Variants in EPHB1 observed in about 807,000 individuals in gnomAD.
EPHB1 encodes ephrin type-B receptor 1.
Under a neutral mutation model 94.4 loss-of-function variants are expected in EPHB1, and 30 were observed. That is an observed-to-expected ratio of 0.32 (90% CI 0.24 to 0.43). The LOEUF (loss-of-function observed/expected upper bound fraction) is 0.43. EPHB1 is among the 20% of genes least tolerant of loss of function. EPHB1 has a pLI of 1.00. For synonymous variants in EPHB1, 522 were observed against 489.1 expected (o/e 1.07, Z -0.89); for missense variants, 1,055 against 1,308.3 (o/e 0.81, Z 2.99).
intron 12 of EPHB1, among the ~76,000 whole-genome samples, chr3:135,238,343 G>T (rs952228804): frequency 6.6e-6 from 1 of 152,224 alleles, no homozygotes; most frequent in Admixed American, 6.5e-5. Context: ...CACCTGCTGG[G>T]ATGGAGGGGG....
At chr3:135,241,955 C>T (rs1943794968) in intron 13 of EPHB1, among the ~76,000 whole-genome samples, 1 of 152,144 alleles carries the variant, frequency 6.6e-6, no homozygotes, top group Non-Finnish European at 1.5e-5. Flanking sequence ...CCCCAGGATG[C>T]CCTCAAGGGA....
At chr3:135,219,911 A>C (rs1943236700) in intron 12 of EPHB1, among the ~76,000 whole-genome samples, 1 of 152,236 alleles carries the variant, frequency 6.6e-6, no homozygotes, top group Non-Finnish European at 1.5e-5. Flanking sequence ...GGCCCTACAC[A>C]GAGCAGAATT....
intron 3 of EPHB1, among the ~76,000 whole-genome samples, chr3:135,072,800 G>A (rs1466488133): frequency 3.3e-5 from 5 of 152,184 alleles, no homozygotes; most frequent in African/African-American, 1.2e-4. Flanking sequence ...TTGTGCAGTT[G>A]TTTATTTATT....
chr3:135,040,278 T>C (rs1936791484), intron 3 of EPHB1, among the ~76,000 whole-genome samples: 1 of 152,206 alleles, frequency 6.6e-6, no homozygotes, highest in African/African-American at 2.4e-5. Context: ...TATAATGTGG[T>C]ATAAAGGGCC....
At chr3:135,001,564 A>C (rs1275109102) in intron 3 of EPHB1, among the ~76,000 whole-genome samples, 1 of 152,230 alleles carries the variant, frequency 6.6e-6, no homozygotes, top group African/African-American at 2.4e-5. Context: ...TCCAAAGGGC[A>C]TATAGCAAAG....
At chr3:134,847,106 C>T (rs911365974) in intron 1 of EPHB1, among the ~76,000 whole-genome samples, 5 of 152,070 alleles carry the variant, frequency 3.3e-5, no homozygotes, top group Admixed American at 2.0e-4. Flanking sequence ...ATTAACAGAA[C>T]GTGGCCTTCC....
chr3:134,795,508 C>G lies in EPHB1; in HGVS notation c.-124C>G, dbSNP rs942755175. Reference sequence around the variant, plus strand: ...ACGCAGCGCTCCGGGAAGTCCGGTCCGGGCGAGAGCGCGAAAGGATACCGA... The same window carrying G: ...ACGCAGCGCTCCGGGAAGTCCGGTCGGGGCGAGAGCGCGAAAGGATACCGA... On this transcript the variant is annotated 5_prime_UTR_variant, in exon 1 of 16. Coordinates refer to ENST00000398015, the MANE Select transcript of EPHB1 (RefSeq NM_004441.5). 27 of 929,324 alleles carry G rather than the reference C, an allele frequency of 2.9e-5. No homozygotes were observed. The highest frequency in any genetic ancestry group is 4.0e-5 in the Non-Finnish European group (25 of 627,712). 57.6% of individuals were successfully genotyped at this position (929,324 alleles called of 1,614,324 possible). A position where few individuals can be genotyped will look rare whatever the true frequency, so the allele number is the denominator to read the frequency against.
At chr3:134,948,510 A>G (rs2039258676) in intron 2 of EPHB1, among the ~76,000 whole-genome samples, 1 of 152,188 alleles carries the variant, frequency 6.6e-6, no homozygotes, top group South Asian at 2.1e-4. Flanking sequence ...AACACATTTG[A>G]TAGAACAAAA....
At chr3:134,915,174 C>G (rs2107696629) in intron 1 of EPHB1, among the ~76,000 whole-genome samples, 1 of 152,250 alleles carries the variant, frequency 6.6e-6, no homozygotes, top group African/African-American at 2.4e-5. Flanking sequence ...AATTCTGTCC[C>G]TCACAAAAAA....
chr3:135,105,213 A>G (rs977597010), intron 3 of EPHB1, among the ~76,000 whole-genome samples: 3 of 152,232 alleles, frequency 2.0e-5, no homozygotes, highest in African/African-American at 4.8e-5. Context: ...TGGCACTTCA[A>G]TTATATGATG....
intron 9 of EPHB1, among the ~76,000 whole-genome samples, chr3:135,170,594 GC>G (rs1191610783): frequency 2.6e-4 from 39 of 152,098 alleles, no homozygotes; most frequent in African/African-American, 9.4e-4. Flanking sequence ...CTCAGTAGGT[GC>G]TGGCTGACTA....
intron 3 of EPHB1, among the ~76,000 whole-genome samples, chr3:135,008,080 C>T (rs1007040978): frequency 5.9e-5 from 9 of 152,166 alleles, no homozygotes; most frequent in Non-Finnish European, 1.3e-4. Flanking sequence ...AGGAAAGCTA[C>T]TATTGGCGCC....
chr3:134,855,245 T>C (rs1464605921), intron 1 of EPHB1, among the ~76,000 whole-genome samples: 2 of 152,198 alleles, frequency 1.3e-5, no homozygotes, highest in Non-Finnish European at 2.9e-5. Context: ...GACAGAGACT[T>C]CCAGGCAGGC....
chr3:134,896,204 G>T (rs759676077), intron 1 of EPHB1, among the ~76,000 whole-genome samples: 1 of 151,522 alleles, frequency 6.6e-6, no homozygotes, highest in Non-Finnish European at 1.5e-5. Context: ...AGCTGCTCAC[G>T]GGCCCATAAG....
chr3:134,923,934 G>A (rs1474587146), intron 1 of EPHB1, among the ~76,000 whole-genome samples: 3 of 152,176 alleles, frequency 2.0e-5, no homozygotes, highest in Non-Finnish European at 4.4e-5. Context: ...ACCCTTCCCT[G>A]TTTGTTGAGT....
intron 1 of EPHB1, among the ~76,000 whole-genome samples, chr3:134,799,376 T>G (rs867816935): frequency 1.3e-5 from 2 of 152,112 alleles, no homozygotes; most frequent in Non-Finnish European, 2.9e-5. Flanking sequence ...CACCAAAGAT[T>G]TTTAAAAATG....
Position 134,925,831 on chromosome 3 carries a change from C to T in EPHB1, c.74C>T (p.Thr25Ile). The T allele has an allele frequency of 6.2e-7, 1 of 1,602,798 alleles. No individual in the cohort carries two copies. The highest frequency in any genetic ancestry group is 8.5e-7 in the Non-Finnish European group (1 of 1,174,236). ...VAAMEETLMD[T>I]RTATAELGWT... ...TAATCTACAGAAACGTTAATGGACA[C>T]CAGAACGGCTACTGCAGAGCTGGGC... Residue 25 changes from threonine to isoleucine, a missense_variant, in exon 2 of 16, where the codon ACC becomes ATC. Thr to Ile is a moderately conservative substitution (Grantham distance 89). Transcript: ENST00000398015.
intron 3 of EPHB1, among the ~76,000 whole-genome samples, chr3:135,027,556 G>A (rs928643790): frequency 1.3e-5 from 2 of 149,832 alleles, no homozygotes; most frequent in African/African-American, 4.9e-5. Context: ...TGCATCCCAG[G>A]GATGAAGCCC....
At chr3:134,946,979 C>T (rs2039228285) in intron 2 of EPHB1, among the ~76,000 whole-genome samples, 1 of 152,212 alleles carries the variant, frequency 6.6e-6, no homozygotes, top group African/African-American at 2.4e-5. Flanking sequence ...TCCTGACAAT[C>T]TTCATATATC....
Sources: allele counts gnomAD v4.1 joint callset (sites outside exome capture counted in the v4.1 genomes callset), GRCh38; gene constraint gnomAD v4.1.1; transcripts MANE v1.5; gene names NCBI Gene and HGNC (gene_info 2026-07-23, HGNC 2026-07-21).